PRKAR1B: variants seen among roughly 807,000 people sequenced by gnomAD.
The protein encoded by PRKAR1B is protein kinase cAMP-dependent type I regulatory subunit beta.
A neutral mutation model predicts 46.5 loss-of-function variants in PRKAR1B; 22 were observed. The ratio of observed to expected loss-of-function variants is 0.47; its 90% CI spans 0.34 to 0.68. The LOEUF (loss-of-function observed/expected upper bound fraction) is 0.68. Ranked by LOEUF, PRKAR1B falls within the 30% of genes least tolerant of loss-of-function variation. The probability of loss-of-function intolerance (pLI) is 0.01; values close to 1 mark genes in which losing one functional copy is unlikely to be tolerated. For missense variants in PRKAR1B, 445 were observed against 535.6 expected (o/e 0.83, Z 1.67); for synonymous variants, 259 against 217.7 (o/e 1.19, Z -1.67).
intron 1 of PRKAR1B, among the ~76,000 whole-genome samples, chr7:724,457 A>T (rs1445133572): frequency 6.6e-6 from 1 of 152,182 alleles, no homozygotes; most frequent in Non-Finnish European, 1.5e-5. Flanking sequence ...GCCTGCTGCC[A>T]TCATGTAAGA....
Position 560,854 on chromosome 7 carries a change from C to G in PRKAR1B, c.892-9384G>C, listed in dbSNP as rs1230289058. Among the ~76,000 whole-genome samples, 1 of 152,196 alleles carries G rather than the reference C, an allele frequency of 6.6e-6. No individual in the cohort carries two copies. Among genetic ancestry groups the G allele is most frequent in the Non-Finnish European group, 1.5e-5 (1 of 68,032 alleles). ...CGTAAGAGTGGACAGACACCAAATG[C>G]CTTCTCAGGGCCACGGGGGCCACGA... On this transcript the variant is annotated intron_variant, in intron 9 of 10. Transcript: ENST00000537384. The surrounding 1 kb of genome is among the most constrained non-coding windows in gnomAD (Gnocchi z 4.2).
chr7:652,247 A>G (rs540994295), intron 4 of PRKAR1B, among the ~76,000 whole-genome samples: 15 of 135,502 alleles, frequency 1.1e-4, no homozygotes, highest in African/African-American at 1.2e-4. Context: ...TCACACCCAC[A>G]CAGCGCTAGG....
chr7:573,255 C>A (rs1779626226), intron 9 of PRKAR1B, among the ~76,000 whole-genome samples: 1 of 152,346 alleles, frequency 6.6e-6, no homozygotes, highest in South Asian at 2.1e-4. Context: ...GAAAGCGATA[C>A]CTTCCCTCGG....
At position 727,013 on chromosome 7, in the gene PRKAR1B, A is replaced by G. The variant is rs1372269211; in HGVS notation, c.-23+197T>C. ...GAGGGCTGCCGCGCGCTGGCAGTGC[A>G]CCTGCTGGATCTGGGCCTGCGCCGC... is the stretch of plus-strand genomic sequence containing the variant. On this transcript the variant is annotated intron_variant, in intron 1 of 10. Coordinates refer to ENST00000537384, the MANE Select transcript of PRKAR1B (RefSeq NM_001164760.2). 15 of 1,226,062 alleles carry G rather than the reference A, an allele frequency of 1.2e-5. No homozygotes were observed. The highest frequency in any genetic ancestry group is 2.4e-5 in the South Asian group (1 of 40,916). The allele number at this position is 1,226,062 out of a possible 1,614,324, so 75.9% of individuals were successfully genotyped here.
chr7:718,295 C>CAT (rs1554247177), intron 1 of PRKAR1B, among the ~76,000 whole-genome samples: 172 of 135,744 alleles, frequency 1.3e-3, no homozygotes, highest in African/African-American at 4.4e-3. Flanking sequence ...CACACACACA[C>CAT]ATACACATAT....
chr7:551,386 C>A lies in PRKAR1B; in HGVS notation c.973+3G>T. ...CGAGGGAGGGGACGCCCACTGGACT[C>A]ACCGAAGTAGTCAGAGGGTCCCAGG... On this transcript the variant is annotated splice_donor_region_variant and intron_variant, in intron 10 of 10. Coordinates refer to ENST00000537384, the MANE Select transcript of PRKAR1B (RefSeq NM_001164760.2). The A allele has an allele frequency of 1.3e-6, 2 of 1,555,424 alleles. No individual in the cohort carries two copies. Among genetic ancestry groups the A allele is most frequent in the Non-Finnish European group, 1.7e-6 (2 of 1,149,376 alleles).
Position 587,888 on chromosome 7 carries a change from G to A in PRKAR1B, c.709-3320C>T, listed in dbSNP as rs559611236. On this transcript the variant is annotated intron_variant, in intron 7 of 10. Coordinates refer to ENST00000537384, the MANE Select transcript of PRKAR1B (RefSeq NM_001164760.2). ...ACGTGATGTTAAACGCCTGTCCCTGGAAAACTATGACAAAAATGCAAGCTC... is the reference window on the plus strand; with the variant it reads ...ACGTGATGTTAAACGCCTGTCCCTGAAAAACTATGACAAAAATGCAAGCTC... Among the ~76,000 whole-genome samples the A allele has an allele frequency of 1.3e-3, 204 of 152,354 alleles. 3 individuals carry two copies. The highest frequency in any genetic ancestry group is 4.7e-3 in the African/African-American group (197 of 41,588).
At chr7:551,330 C>T (rs550594344) in intron 10 of PRKAR1B, 59 bp downstream of exon 10, 31 of 1,509,228 alleles carry the variant, frequency 2.1e-5, no homozygotes, top group Non-Finnish European at 2.4e-5. Flanking sequence ...AGGCCCCTCC[C>T]GAGACCCCAA....
At chr7:575,650 A>C (rs1779775663) in intron 9 of PRKAR1B, among the ~76,000 whole-genome samples, 1 of 151,954 alleles carries the variant, frequency 6.6e-6, no homozygotes, top group Non-Finnish European at 1.5e-5. Flanking sequence ...AGCTCAAGCG[A>C]TCCTCCCGCC....
At position 549,223 on chromosome 7, in the gene PRKAR1B, A is replaced by C. The variant is rs1376876831; in HGVS notation, c.*1207T>G. ...TACTTCATTGCACGTTTAATGCTTC[A>C]TGCAGTATTCAGAGCAGAGATAAGG... On this transcript the variant is annotated 3_prime_UTR_variant, in exon 11 of 11. Coordinates refer to ENST00000537384, the MANE Select transcript of PRKAR1B (RefSeq NM_001164760.2). 1 of 151,564 alleles carries C rather than the reference A, an allele frequency of 6.6e-6. No individual in the cohort carries two copies. Among genetic ancestry groups the C allele is most frequent in the Non-Finnish European group, 1.5e-5 (1 of 67,916 alleles). 9.4% of individuals were successfully genotyped at this position (151,564 alleles called of 1,614,324 possible).
intron 4 of PRKAR1B, among the ~76,000 whole-genome samples, chr7:674,896 T>C (rs1464258441): frequency 6.6e-6 from 1 of 152,212 alleles, no homozygotes; most frequent in Non-Finnish European, 1.5e-5. Flanking sequence ...TATTTCAGCA[T>C]GATGTGAGTG....
At chr7:571,173 C>A (rs1483127310) in intron 9 of PRKAR1B, among the ~76,000 whole-genome samples, 1 of 152,132 alleles carries the variant, frequency 6.6e-6, no homozygotes, top group African/African-American at 2.4e-5. Flanking sequence ...CACGAGTAAG[C>A]AGCAACGCTT....
At chr7:661,258 C>CCA (rs1785539067) in intron 4 of PRKAR1B, among the ~76,000 whole-genome samples, 7 of 71,938 alleles carry the variant, frequency 9.7e-5, no homozygotes, top group Admixed American at 1.3e-4. Context: ...TACTCTCCCC[C>CCA]CCATGGCACA....
chr7:683,010 C>A (rs1055883925), intron 2 of PRKAR1B, among the ~76,000 whole-genome samples: 1 of 152,180 alleles, frequency 6.6e-6, no homozygotes, highest in East Asian at 1.9e-4. Context: ...CCCCACAGCT[C>A]GGGAGCTTCC....
At position 714,739 on chromosome 7, in the gene PRKAR1B, C is replaced by T. The variant is rs980903598; in HGVS notation, c.-22-3212G>A. On this transcript the variant is annotated intron_variant, in intron 1 of 10. Transcript: ENST00000537384. The surrounding 1 kb of genome is among the most constrained non-coding windows in gnomAD (Gnocchi z 4.3). ...TGGCTTGAGCCAAGGACAGACGCTT[C>T]CTTAGTGTCCTGCTCACTGTCTGAT... is the stretch of plus-strand genomic sequence containing the variant. 2.6e-5 allele frequency among the ~76,000 whole-genome samples: 4 copies of T among 152,226 alleles called. No individual in the cohort carries two copies. Among genetic ancestry groups the T allele is most frequent in the African/African-American group, 9.6e-5 (4 of 41,456 alleles).
rs1784089519 is a variant in PRKAR1B, at chr7:550,154, G to A, written c.*276C>T. The A allele has an allele frequency of 4.6e-6, 2 of 437,926 alleles. No individual in the cohort carries two copies. Among genetic ancestry groups the A allele is most frequent in the Non-Finnish European group, 8.3e-6 (2 of 240,154 alleles). 27.1% of individuals were successfully genotyped at this position (437,926 alleles called of 1,614,324 possible). ...GGGTGGGGTGGGCCCCCCAGGAGAA[G>A]CCCACAGAGGCAGCCGGGGAGGCGT... is the stretch of plus-strand genomic sequence containing the variant. On this transcript the variant is annotated 3_prime_UTR_variant, in exon 11 of 11. Coordinates refer to ENST00000537384, the MANE Select transcript of PRKAR1B (RefSeq NM_001164760.2).
At chr7:710,802 C>G (rs1426603504) in intron 2 of PRKAR1B, among the ~76,000 whole-genome samples, 9 of 152,050 alleles carry the variant, frequency 5.9e-5, no homozygotes, top group Non-Finnish European at 1.2e-4. Flanking sequence ...CGCCACCACA[C>G]CCAACTAATT....
At chr7:575,950 G>A (rs1395792579) in intron 9 of PRKAR1B, among the ~76,000 whole-genome samples, 2 of 151,662 alleles carry the variant, frequency 1.3e-5, no homozygotes, top group African/African-American at 4.9e-5. Context: ...ACATGACGCT[G>A]GCATCCTCTC....
In PRKAR1B at chr7:714,481, T is replaced by C. The variant is rs1329847544; in HGVS notation, c.-22-2954A>G. Among the ~76,000 whole-genome samples, 1 of 152,194 alleles carries C rather than the reference T, an allele frequency of 6.6e-6. No individual in the cohort carries two copies. Among genetic ancestry groups the C allele is most frequent in the Non-Finnish European group, 1.5e-5 (1 of 68,040 alleles). ...CCAGACATGCGGCCCCTGGCCCCAC[T>C]GAGCTGTGACGTCTGCTGAGCTCCT... On this transcript the variant is annotated intron_variant, in intron 1 of 10. Transcript: ENST00000537384. This position sits in a 1 kb window ranked among gnomAD's most constrained non-coding sequence, Gnocchi z 4.3.
Sources: gnomAD v4.1 joint callset for allele counts (sites outside exome capture counted in the v4.1 genomes callset) on GRCh38, gnomAD v4.1.1 for gene constraint, Gnocchi (gnomAD v3.1) non-coding constraint, MANE v1.5 for transcripts, NCBI Gene and HGNC (gene_info 2026-07-23, HGNC 2026-07-21) for gene names.